The following XRCC4 variants were observed in gnomAD, a reference collection of about 807,000 sequenced individuals.
XRCC4 encodes X-ray repair cross complementing 4, also known as DNA repair protein XRCC4.
A neutral mutation model predicts 39.1 loss-of-function variants in XRCC4; 28 were observed. The observed-to-expected ratio is 0.72, with a 90% CI of 0.53 to 0.98. XRCC4 has a LOEUF of 0.98. Among genes scored for constraint, XRCC4 ranks in the 50% least tolerant of loss-of-function variants. The pLI, the probability that XRCC4 is intolerant of heterozygous loss-of-function variation, is 0.00. For missense variants in XRCC4, 350 were observed against 376.4 expected (o/e 0.93, Z 0.58); for synonymous variants, 123 against 126.4 (o/e 0.97, Z 0.18).
At position 83,140,931 on chromosome 5, in the gene XRCC4, A is replaced by G. The variant is rs28383165; in HGVS notation, c.315+29728A>G. On this transcript the variant is annotated intron_variant, in intron 3 of 7. Coordinates refer to ENST00000396027, the MANE Select transcript of XRCC4 (RefSeq NM_003401.5). ...CTCTTCTCATTTCCAGACATTTTAC[A>G]TTACATTTCCATCCAACCCTTTTAT... Among the ~76,000 whole-genome samples the G allele has an allele frequency of 2.6e-5, 4 of 152,292 alleles. No individual in the cohort carries two copies. The East Asian group carries it at 5.8e-4, about 22-fold the overall frequency.
At chr5:83,279,106 T>C (rs990202872) in intron 7 of XRCC4, among the ~76,000 whole-genome samples, 94 of 147,086 alleles carry the variant, frequency 6.4e-4, no homozygotes, top group Non-Finnish European at 1.2e-3. Flanking sequence ...ATAATATATA[T>C]TTATATCTAT....
intron 1 of XRCC4, among the ~76,000 whole-genome samples, chr5:83,089,231 G>C (rs1745312163): frequency 6.6e-6 from 1 of 152,172 alleles, no homozygotes; most frequent in African/African-American, 2.4e-5. Context: ...GAATCTAACA[G>C]AATAGTACTA....
At chr5:83,367,050 C>G in the XRCC4 span, among the ~76,000 whole-genome samples, 1 of 152,168 alleles carries the variant, frequency 6.6e-6, no homozygotes, top group African/African-American at 2.4e-5. Flanking sequence ...TTCTCTCCTA[C>G]AACTTTGTTG....
At chr5:83,155,533 C>T (rs1160037522) in intron 3 of XRCC4, among the ~76,000 whole-genome samples, 4 of 152,202 alleles carry the variant, frequency 2.6e-5, no homozygotes, top group East Asian at 1.9e-4. Context: ...GAATCTTGAA[C>T]GCTGTCCTCA....
intron 3 of XRCC4, among the ~76,000 whole-genome samples, chr5:83,168,088 T>A (rs760900082): frequency 6.6e-6 from 1 of 152,146 alleles, no homozygotes; most frequent in Non-Finnish European, 1.5e-5. Context: ...TATGCCAACA[T>A]AAACTCTACA....
Position 83,185,365 on chromosome 5 carries a change from T to TA in XRCC4, c.316-10393dup, listed in dbSNP as rs147693052. Among the ~76,000 whole-genome samples the TA allele has an allele frequency of 4.0e-3, 569 of 141,788 alleles. 2 individuals carry two copies. The highest frequency in any genetic ancestry group is 6.3e-3 in the African/African-American group (245 of 38,658). 93.0% of individuals were successfully genotyped at this position (141,788 alleles called of 152,430 possible). ...TAGTTCCAAACCACATGCCCAGCAT[T>TA]AAAAAAAAAAAACAACACTTTATTA... On this transcript the variant is annotated intron_variant, in intron 3 of 7. Transcript: ENST00000396027.
chr5:83,244,204 C>G (rs1753016086), intron 6 of XRCC4, among the ~76,000 whole-genome samples: 1 of 146,752 alleles, frequency 6.8e-6, no homozygotes, highest in African/African-American at 2.7e-5. Context: ...CTTTATGGGT[C>G]ACATTTTCCT....
Position 83,115,454 on chromosome 5 carries a change from A to AAAC in XRCC4, c.315+4253_315+4254insCAA, listed in dbSNP as rs1214905346. 2.2e-4 allele frequency among the ~76,000 whole-genome samples: 33 copies of AAAC among 147,298 alleles called. No homozygotes were observed. In the East Asian group the frequency reaches 7.4e-3, roughly 33 times the overall value. On this transcript the variant is annotated intron_variant, in intron 3 of 7. Coordinates refer to ENST00000396027, the MANE Select transcript of XRCC4 (RefSeq NM_003401.5). ...AAAAACAAACAAACAAACAAACAAA[A>AAAC]AAACAAGATGAGATTTGGGTGGGGA...
chr5:83,083,450 C>T (rs997754433), intron 1 of XRCC4, among the ~76,000 whole-genome samples: 4 of 149,068 alleles, frequency 2.7e-5, no homozygotes, highest in African/African-American at 7.5e-5. Flanking sequence ...AATCTCTACT[C>T]ACTACAACCT....
chr5:83,357,143 T>G (rs1757198609), downstream of XRCC4, among the ~76,000 whole-genome samples: 1 of 152,196 alleles, frequency 6.6e-6, no homozygotes, highest in Non-Finnish European at 1.5e-5. Flanking sequence ...CTGGGCCATG[T>G]GAAAAATTAA....
At chr5:83,134,493 TCAATCAGCACTCTCTCAAAACAGAC>T (rs1457711663) in intron 3 of XRCC4, among the ~76,000 whole-genome samples, 1 of 152,172 alleles carries the variant, frequency 6.6e-6, no homozygotes, top group Non-Finnish European at 1.5e-5. Context: ...TGTACACGCA[TCAATCAGCACTCTCTCAAAACAGAC>T]CAATCAGCTC....
intron 7 of XRCC4, among the ~76,000 whole-genome samples, chr5:83,306,126 T>G (rs1393825376): frequency 3.4e-5 from 2 of 59,104 alleles, no homozygotes; most frequent in Non-Finnish European, 1.2e-4. Context: ...CTACTGAAGG[T>G]TGCAGATTTC....
At chr5:83,154,973 A>G (rs1361374326) in intron 3 of XRCC4, among the ~76,000 whole-genome samples, 2 of 151,776 alleles carry the variant, frequency 1.3e-5, no homozygotes, top group Non-Finnish European at 2.9e-5. Flanking sequence ...AAATCACACT[A>G]TTTTTCTATT....
chr5:83,153,752 A>G (rs1245306556), intron 3 of XRCC4, among the ~76,000 whole-genome samples: 3 of 152,164 alleles, frequency 2.0e-5, no homozygotes, highest in Non-Finnish European at 4.4e-5. Context: ...TAATTTTCAT[A>G]TGTTGAATTT....
At chr5:83,132,332 C>T (rs1747636309) in intron 3 of XRCC4, among the ~76,000 whole-genome samples, 1 of 152,098 alleles carries the variant, frequency 6.6e-6, no homozygotes, top group Non-Finnish European at 1.5e-5. Flanking sequence ...TTCATTTCAA[C>T]TTCGGTGAAT....
At chr5:83,234,851 A>G (rs1752627377) in intron 6 of XRCC4, among the ~76,000 whole-genome samples, 1 of 151,978 alleles carries the variant, frequency 6.6e-6, no homozygotes, top group Non-Finnish European at 1.5e-5. Context: ...TCAATTATAA[A>G]ATAGACTATA....
At chr5:83,168,276 A>C (rs922019454) in intron 3 of XRCC4, among the ~76,000 whole-genome samples, 1 of 152,174 alleles carries the variant, frequency 6.6e-6, no homozygotes, top group African/African-American at 2.4e-5. Context: ...ATACACTTGA[A>C]GGAAATAAGT....
At chr5:83,128,587 C>A (rs1747395754) in intron 3 of XRCC4, among the ~76,000 whole-genome samples, 3 of 152,162 alleles carry the variant, frequency 2.0e-5, no homozygotes, top group Non-Finnish European at 4.4e-5. Context: ...TAAAGTCCCA[C>A]CAACAGTGTA....
chr5:83,209,326 C>T (rs2112748155), intron 6 of XRCC4, among the ~76,000 whole-genome samples: 1 of 152,152 alleles, frequency 6.6e-6, no homozygotes, highest in African/African-American at 2.4e-5. Flanking sequence ...GAGCCAAAAT[C>T]TGCAACACCA....
Sources: gnomAD v4.1 joint callset for allele counts (sites outside exome capture counted in the v4.1 genomes callset) on GRCh38, gnomAD v4.1.1 for gene constraint, MANE v1.5 for transcripts, NCBI Gene and HGNC (gene_info 2026-07-23, HGNC 2026-07-21) for gene names.